Variants in GBE1 observed in about 807,000 individuals in gnomAD.
GBE1 encodes 1,4-alpha-glucan-branching enzyme.
GBE1 carries 70 observed loss-of-function variants against 88.8 expected under a neutral mutation model. That is an observed-to-expected ratio of 0.79 (90% CI 0.65 to 0.96). The LOEUF (loss-of-function observed/expected upper bound fraction) is 0.96. Ranked by LOEUF, GBE1 falls within the 40% of genes least tolerant of loss-of-function variation. The pLI is 0.00. For synonymous variants in GBE1, 284 were observed against 300.1 expected (o/e 0.95, Z 0.56); for missense variants, 872 against 871.0 (o/e 1.00, Z -0.01).
At chr3:81,553,276 T>G (rs1412657918) in intron 12 of GBE1, among the ~76,000 whole-genome samples, 1 of 152,160 alleles carries the variant, frequency 6.6e-6, no homozygotes, top group Non-Finnish European at 1.5e-5. Flanking sequence ...AGTTTTTTTT[T>G]TAAACTCCTG....
At chr3:81,698,484 T>A (rs560239078) in intron 2 of GBE1, among the ~76,000 whole-genome samples, 1 of 152,296 alleles carries the variant, frequency 6.6e-6, no homozygotes, top group Admixed American at 6.5e-5. Context: ...ATAATCTACA[T>A]GCAAAAGTCA....
At position 81,694,055 on chromosome 3, in the gene GBE1, C is replaced by T. The variant is rs766698350; in HGVS notation, c.313+11389G>A. 3.3e-5 allele frequency among the ~76,000 whole-genome samples: 5 copies of T among 151,950 alleles called. No homozygotes were observed. In the South Asian group the frequency reaches 1.0e-3, roughly 32 times the overall value. ...AGAAATAAAGTACCATCTTTTTTCCCTAAGAACTCAGAGCCTTTTTGTAAG... is the reference window on the plus strand; with the variant it reads ...AGAAATAAAGTACCATCTTTTTTCCTTAAGAACTCAGAGCCTTTTTGTAAG... On this transcript the variant is annotated intron_variant, in intron 2 of 15. Coordinates refer to ENST00000429644, the MANE Select transcript of GBE1 (RefSeq NM_000158.4).
At chr3:81,592,048 C>T (rs1281577828) in intron 8 of GBE1, among the ~76,000 whole-genome samples, 1 of 151,758 alleles carries the variant, frequency 6.6e-6, no homozygotes, top group African/African-American at 2.4e-5. Context: ...TCAAGGTTTC[C>T]AAGGTACTGA....
At chr3:81,545,623 T>TGC (rs1703195952) in intron 12 of GBE1, among the ~76,000 whole-genome samples, 1 of 151,750 alleles carries the variant, frequency 6.6e-6, no homozygotes, top group Non-Finnish European at 1.5e-5. Flanking sequence ...TATGTGTGTG[T>TGC]GTGTGTGTGT....
intron 12 of GBE1, among the ~76,000 whole-genome samples, chr3:81,541,837 T>A (rs1703146378): frequency 1.3e-5 from 2 of 152,118 alleles, no homozygotes; most frequent in Non-Finnish European, 1.5e-5. Flanking sequence ...TACAATTAAA[T>A]AGGTAAGGCA....
intron 12 of GBE1, among the ~76,000 whole-genome samples, chr3:81,574,947 G>A (rs1357914477): frequency 6.6e-6 from 1 of 152,024 alleles, no homozygotes; most frequent in Non-Finnish European, 1.5e-5. Context: ...GGCGAATCAC[G>A]AGGTCAGGAG....
chr3:81,575,273 A>T (rs898069445), intron 12 of GBE1, among the ~76,000 whole-genome samples: 1 of 152,152 alleles, frequency 6.6e-6, no homozygotes, highest in Non-Finnish European at 1.5e-5. Flanking sequence ...TGATAGAATA[A>T]AAAAATACAA....
At chr3:81,584,657 A>G (rs1703775975) in intron 10 of GBE1, among the ~76,000 whole-genome samples, 1 of 151,686 alleles carries the variant, frequency 6.6e-6, no homozygotes, top group Admixed American at 6.6e-5. Flanking sequence ...TCTATTTGAT[A>G]ACTATGATTA....
chr3:81,596,025 A>G (rs1703951951), intron 7 of GBE1, among the ~76,000 whole-genome samples: 2 of 151,980 alleles, frequency 1.3e-5, no homozygotes, highest in Non-Finnish European at 2.9e-5. Context: ...AAAAACTACT[A>G]CAAGATTAAA....
intron 9 of GBE1, among the ~76,000 whole-genome samples, chr3:81,587,537 T>A (rs1014098139): frequency 2.6e-5 from 4 of 152,172 alleles, no homozygotes; most frequent in Non-Finnish European, 5.9e-5. Context: ...AAATTCAAAT[T>A]CCTTAGCTTA....
At chr3:81,711,606 T>C (rs528195140) in intron 1 of GBE1, among the ~76,000 whole-genome samples, 3 of 152,298 alleles carry the variant, frequency 2.0e-5, no homozygotes, top group South Asian at 2.1e-4. Context: ...TGCAGCCTTG[T>C]AGAAAGCTGA....
At chr3:81,747,079 A>C (rs937870226) in intron 1 of GBE1, among the ~76,000 whole-genome samples, 1 of 152,190 alleles carries the variant, frequency 6.6e-6, no homozygotes. Flanking sequence ...ATTACACAAA[A>C]AATTAATGCA....
At chr3:81,515,237 G>A (rs184274208) in intron 14 of GBE1, among the ~76,000 whole-genome samples, 35 of 151,492 alleles carry the variant, frequency 2.3e-4, no homozygotes, top group Admixed American at 4.0e-4. Context: ...TTGTGTCTCT[G>A]TGTCACATTT....
intron 14 of GBE1, among the ~76,000 whole-genome samples, chr3:81,502,535 A>C (rs949462923): frequency 6.6e-6 from 1 of 152,200 alleles, no homozygotes; most frequent in African/African-American, 2.4e-5. Flanking sequence ...AAATTTCTAC[A>C]AATTTAAACA....
intron 3 of GBE1, among the ~76,000 whole-genome samples, chr3:81,664,016 G>GA (rs533110905): frequency 0.015 from 2,285 of 151,034 alleles, 72 homozygotes; most frequent in African/African-American, 0.053. Context: ...GCTGTGCATA[G>GA]AAAAAAAAAT....
chr3:81,704,469 A>C (rs1186522198), intron 2 of GBE1, among the ~76,000 whole-genome samples: 1 of 151,896 alleles, frequency 6.6e-6, no homozygotes, highest in Non-Finnish European at 1.5e-5. Context: ...AAATTCCCTC[A>C]CGTCCCTCTG....
At chr3:81,528,090 C>T (rs1440378277) in intron 14 of GBE1, among the ~76,000 whole-genome samples, 1 of 151,740 alleles carries the variant, frequency 6.6e-6, no homozygotes, top group African/African-American at 2.4e-5. Context: ...AGCTGGAAAC[C>T]ATCATTCTCA....
intron 1 of GBE1, among the ~76,000 whole-genome samples, chr3:81,751,743 T>C (rs1706530838): frequency 6.6e-6 from 1 of 152,248 alleles, no homozygotes; most frequent in Non-Finnish European, 1.5e-5. Context: ...TTGTGGGATA[T>C]TCTGTTAATT....
chr3:81,731,243 G>A (rs886804428), intron 1 of GBE1, among the ~76,000 whole-genome samples: 22 of 152,074 alleles, frequency 1.4e-4, no homozygotes, highest in African/African-American at 4.3e-4. Flanking sequence ...AGTAGATCAC[G>A]ACACTTATTC....
Sources: allele counts gnomAD v4.1 joint callset (sites outside exome capture counted in the v4.1 genomes callset), GRCh38; gene constraint gnomAD v4.1.1; transcripts MANE v1.5; gene names NCBI Gene and HGNC (gene_info 2026-07-23, HGNC 2026-07-21).